The following EYS variants were observed in gnomAD, a reference collection of about 807,000 sequenced individuals.
The protein encoded by EYS is protein eyes shut homolog.
Under a neutral mutation model 282.1 loss-of-function variants are expected in EYS, and 250 were observed. The ratio of observed to expected loss-of-function variants is 0.89; its 90% confidence interval spans 0.80 to 0.98. EYS has a LOEUF of 0.98. Ranked by LOEUF, EYS falls within the 50% of genes least tolerant of loss-of-function variation. The probability of loss-of-function intolerance (pLI) is 0.00; values close to 1 mark genes in which losing one functional copy is unlikely to be tolerated. For missense variants in EYS, 4,016 were observed against 3,709.0 expected, an observed-to-expected ratio of 1.08 and a Z score of -2.15; for synonymous variants, 1,355 against 1,282.9, an observed-to-expected ratio of 1.06 and a Z score of -1.20.
intron 12 of EYS, among the ~76,000 whole-genome samples, chr6:65,146,674 A>G (rs1764484088): frequency 6.6e-6 from 1 of 151,962 alleles, no homozygotes; most frequent in Non-Finnish European, 1.5e-5. Flanking sequence ...GGTTTCTTTT[A>G]CAAAAACAAA....
intron 26 of EYS, among the ~76,000 whole-genome samples, chr6:64,478,213 T>C (rs1366129707): frequency 1.3e-5 from 2 of 152,160 alleles, no homozygotes; most frequent in South Asian, 4.1e-4. Flanking sequence ...TATTACCTTT[T>C]GCATGCAATT....
At chr6:64,717,240 CCAGTCACTAATA>C (rs1455037249) in intron 22 of EYS, among the ~76,000 whole-genome samples, 3 of 152,154 alleles carry the variant, frequency 2.0e-5, no homozygotes, top group South Asian at 2.1e-4. Context: ...TTGTCGCTTG[CCAGTCACTAATA>C]GGGATTTGAT....
At chr6:64,467,676 C>T (rs1433876004) in intron 26 of EYS, among the ~76,000 whole-genome samples, 1 of 152,104 alleles carries the variant, frequency 6.6e-6, no homozygotes, top group East Asian at 1.9e-4. Context: ...GCTTTCCCAC[C>T]ACTACTGCTT....
At chr6:65,259,404 G>A (rs528245602) in intron 12 of EYS, among the ~76,000 whole-genome samples, 18 of 152,038 alleles carry the variant, frequency 1.2e-4, no homozygotes, top group Non-Finnish European at 2.1e-4. Flanking sequence ...AAATGTCTTC[G>A]GTGTTAATCT....
chr6:64,918,584 A>G (rs1377516122), intron 15 of EYS, among the ~76,000 whole-genome samples: 2 of 152,188 alleles, frequency 1.3e-5, no homozygotes, highest in East Asian at 3.9e-4. Context: ...ATAAGAGATT[A>G]TGAGTACTAC....
At chr6:65,069,155 G>A (rs1773835160) in intron 12 of EYS, among the ~76,000 whole-genome samples, 1 of 151,790 alleles carries the variant, frequency 6.6e-6, no homozygotes, top group South Asian at 2.1e-4. Context: ...AAGTTTTGGG[G>A]GATTCAGTAT....
chr6:64,534,106 T>C (rs1334354605), intron 26 of EYS, among the ~76,000 whole-genome samples: 2 of 151,642 alleles, frequency 1.3e-5, no homozygotes, highest in Non-Finnish European at 2.9e-5. Flanking sequence ...GCATATAAAA[T>C]TGTCAAAAAT....
At chr6:65,330,581 T>G (rs1179340835) in intron 11 of EYS, 1 of 972,496 alleles carries the variant, frequency 1.0e-6, no homozygotes, top group Non-Finnish European at 1.2e-6. Flanking sequence ...ACATCATTTA[T>G]ATAATGAATT....
chr6:64,244,966 A>G (rs1028879426), intron 30 of EYS, among the ~76,000 whole-genome samples: 1 of 142,470 alleles, frequency 7.0e-6, no homozygotes, highest in Non-Finnish European at 1.5e-5. Context: ...TCCTAATGCT[A>G]TCCCTCCTCC....
At chr6:65,354,841 GA>G (rs1026922682) in intron 8 of EYS, among the ~76,000 whole-genome samples, 2 of 150,318 alleles carry the variant, frequency 1.3e-5, no homozygotes, top group African/African-American at 2.4e-5. Context: ...GAAAAAGAAA[GA>G]AAAAAAAGAA....
intron 22 of EYS, among the ~76,000 whole-genome samples, chr6:64,739,973 AT>A (rs779445313): frequency 2.6e-5 from 4 of 152,188 alleles, no homozygotes; most frequent in South Asian, 2.1e-4. Flanking sequence ...TAATAAAAAA[AT>A]ATAAGAAACT....
chr6:65,516,681 C>T (rs568118878), intron 2 of EYS, among the ~76,000 whole-genome samples: 35 of 152,070 alleles, frequency 2.3e-4, no homozygotes, highest in African/African-American at 7.7e-4. Flanking sequence ...CTACAGTCTT[C>T]GAAATTAGTA....
chr6:64,800,816 A>T (rs1774521195), intron 22 of EYS, among the ~76,000 whole-genome samples: 1 of 151,996 alleles, frequency 6.6e-6, no homozygotes, highest in Non-Finnish European at 1.5e-5. Context: ...GTGTAGCTAA[A>T]ATTTGAAAAT....
intron 2 of EYS, among the ~76,000 whole-genome samples, chr6:65,578,624 G>C (rs141163636): frequency 2.1e-4 from 32 of 151,876 alleles, no homozygotes; most frequent in African/African-American, 5.1e-4. Context: ...AATGATAAGT[G>C]TGTGAGGTAA....
rs118041358 is a variant in EYS, at chr6:65,236,327, A to G, written c.2023+59536T>C. 1.1e-4 allele frequency among the ~76,000 whole-genome samples: 17 copies of G among 152,284 alleles called. No individual in the cohort carries two copies. In the East Asian group the frequency reaches 3.3e-3, roughly 29 times the overall value. On this transcript the variant is annotated intron_variant, in intron 12 of 42. Coordinates refer to ENST00000503581, the MANE Select transcript of EYS (RefSeq NM_001142800.2). ...ACAAAGTAAATATAAAACCCGTAAA[A>G]TGGGTCTGGCACGGTGGCTCATGCC...
chr6:64,952,796 A>C (rs1769558150), intron 14 of EYS, among the ~76,000 whole-genome samples: 1 of 152,038 alleles, frequency 6.6e-6, no homozygotes, highest in Non-Finnish European at 1.5e-5. Context: ...GTATTTAAAA[A>C]TATCTTAATT....
At chr6:64,759,365 A>G (rs1349897980) in intron 22 of EYS, among the ~76,000 whole-genome samples, 1 of 152,158 alleles carries the variant, frequency 6.6e-6, no homozygotes, top group East Asian at 1.9e-4. Flanking sequence ...AAGTCCAATT[A>G]ATAACTTATT....
intron 2 of EYS, among the ~76,000 whole-genome samples, chr6:65,562,917 T>C (rs1171081908): frequency 6.6e-6 from 1 of 152,094 alleles, no homozygotes; most frequent in Non-Finnish European, 1.5e-5. Context: ...GGTTTGAAGC[T>C]GATACTGATC....
chr6:64,268,144 TTA>T (rs1225023695), intron 30 of EYS, among the ~76,000 whole-genome samples: 1 of 152,036 alleles, frequency 6.6e-6, no homozygotes, highest in Non-Finnish European at 1.5e-5. Flanking sequence ...TGTAAACAAA[TTA>T]TGTCACATCC....
Sources: allele counts gnomAD v4.1 joint callset (sites outside exome capture counted in the v4.1 genomes callset), GRCh38; gene constraint gnomAD v4.1.1; transcripts MANE v1.5; gene names NCBI Gene and HGNC (gene_info 2026-07-23, HGNC 2026-07-21).